Variants in MYO1D observed in about 807,000 individuals in gnomAD.
MYO1D encodes myosin ID, also known as unconventional myosin-Id.
In MYO1D, 83 loss-of-function variants were observed where a neutral mutation model predicts 122.0. The observed-to-expected ratio is 0.68, with a 90% CI of 0.57 to 0.82. MYO1D has a LOEUF of 0.82. Among genes scored for constraint, MYO1D ranks in the 40% least tolerant of loss-of-function variants. MYO1D has a pLI of 0.00. For missense variants in MYO1D, 1,157 were observed against 1,269.5 expected, an observed-to-expected ratio of 0.91 and a Z score of 1.35; for synonymous variants, 464 against 446.9, an observed-to-expected ratio of 1.04 and a Z score of -0.48.
chr17:32,778,431 G>C, intron 3 of MYO1D, 49 bp downstream of exon 3: 1 of 1,561,108 alleles, frequency 6.4e-7, no homozygotes, highest in East Asian at 2.2e-5. Context: ...CAAGTCCATA[G>C]AGAAAACAGA....
chr17:32,695,694 T>G (rs2150977095), intron 16 of MYO1D, among the ~76,000 whole-genome samples: 2 of 152,304 alleles, frequency 1.3e-5, no homozygotes, highest in South Asian at 4.1e-4. Context: ...AAAATTTGAT[T>G]GGCCAAAATT....
chr17:32,825,127 A>G (rs763327616), intron 1 of MYO1D, among the ~76,000 whole-genome samples: 50 of 152,210 alleles, frequency 3.3e-4, no homozygotes, highest in Non-Finnish European at 5.3e-4. Context: ...CCTTTTGAAA[A>G]TGTGATATTA....
At chr17:32,624,215 AG>A (rs924019635) in intron 20 of MYO1D, among the ~76,000 whole-genome samples, 2 of 142,260 alleles carry the variant, frequency 1.4e-5, no homozygotes, top group African/African-American at 5.5e-5. Context: ...TTTTTCTTTA[AG>A]TTTTTTTTTT....
chr17:32,596,431 C>T (rs1373970008), intron 21 of MYO1D, among the ~76,000 whole-genome samples: 1 of 152,192 alleles, frequency 6.6e-6, no homozygotes, highest in Non-Finnish European at 1.5e-5. Context: ...TCCTTCACCT[C>T]TTGTCATGAG....
intron 12 of MYO1D, among the ~76,000 whole-genome samples, chr17:32,747,073 G>T (rs901303172): frequency 6.6e-6 from 1 of 151,928 alleles, no homozygotes; most frequent in Non-Finnish European, 1.5e-5. Context: ...CTGGGAACAG[G>T]ACCAGAAAAA....
At chr17:32,614,094 T>TA (rs1478783501) in intron 20 of MYO1D, among the ~76,000 whole-genome samples, 5 of 135,224 alleles carry the variant, frequency 3.7e-5, no homozygotes, top group Non-Finnish European at 8.0e-5. Flanking sequence ...TTTTTTTTTT[T>TA]AACTCTGGAG....
chr17:32,825,518 CTTGGG>C (rs2090713976), intron 1 of MYO1D, among the ~76,000 whole-genome samples: 1 of 152,166 alleles, frequency 6.6e-6, no homozygotes, highest in Non-Finnish European at 1.5e-5. Context: ...ATCTCAAAAT[CTTGGG>C]CTCAGGCGAT....
intron 16 of MYO1D, among the ~76,000 whole-genome samples, chr17:32,662,656 GA>G (rs1236743796): frequency 6.6e-6 from 1 of 151,898 alleles, no homozygotes; most frequent in African/African-American, 2.4e-5. Flanking sequence ...CTGGGTGACA[GA>G]GCGAGACTGT....
intron 1 of MYO1D, among the ~76,000 whole-genome samples, chr17:32,795,231 C>A (rs1347718968): frequency 4.6e-5 from 7 of 152,082 alleles, no homozygotes; most frequent in African/African-American, 1.7e-4. Flanking sequence ...AAACCCGATC[C>A]CCTGAACACA....
chr17:32,768,016 C>T (rs9891743), intron 6 of MYO1D, among the ~76,000 whole-genome samples: 5,641 of 152,312 alleles, frequency 0.037, 334 homozygotes, highest in African/African-American at 0.13. Flanking sequence ...AAGTCCTGAG[C>T]TGGCTCAGAC....
intron 1 of MYO1D, among the ~76,000 whole-genome samples, chr17:32,869,450 G>T (rs1222572128): frequency 6.6e-6 from 1 of 152,240 alleles, no homozygotes; most frequent in Non-Finnish European, 1.5e-5. Context: ...ACCCAGCGGA[G>T]CTGGAGCCAC....
intron 14 of MYO1D, among the ~76,000 whole-genome samples, chr17:32,730,935 C>T (rs1417070094): frequency 1.6e-5 from 2 of 123,696 alleles, no homozygotes; most frequent in East Asian, 2.5e-4. Flanking sequence ...CAGAGACAGT[C>T]TTGCTCTGTC....
intron 19 of MYO1D, among the ~76,000 whole-genome samples, chr17:32,641,328 T>C (rs1194887521): frequency 1.3e-5 from 2 of 151,974 alleles, no homozygotes; most frequent in African/African-American, 2.4e-5. Flanking sequence ...CTTAATCCAG[T>C]CTATCATTGT....
intron 16 of MYO1D, among the ~76,000 whole-genome samples, chr17:32,696,683 T>C (rs927520798): frequency 1.3e-5 from 2 of 152,242 alleles, no homozygotes; most frequent in Non-Finnish European, 2.9e-5. Context: ...ATGTGTTTGC[T>C]TGCTAGTTAC....
chr17:32,658,361 A>T (rs183787901), intron 17 of MYO1D, among the ~76,000 whole-genome samples: 2 of 152,320 alleles, frequency 1.3e-5, no homozygotes, highest in East Asian at 1.9e-4. Flanking sequence ...ATTTGAGAAG[A>T]AGTAGCTTAG....
intron 10 of MYO1D, among the ~76,000 whole-genome samples, chr17:32,757,041 A>G (rs1337188228): frequency 6.6e-6 from 1 of 152,134 alleles, no homozygotes; most frequent in East Asian, 1.9e-4. Flanking sequence ...GAGTTACCTA[A>G]ACTGATTGCT....
intron 1 of MYO1D, among the ~76,000 whole-genome samples, chr17:32,844,815 G>T (rs1262114968): frequency 6.6e-6 from 1 of 152,014 alleles, no homozygotes; most frequent in African/African-American, 2.4e-5. Flanking sequence ...ATGTCAAATG[G>T]GGTATGACTT....
intron 21 of MYO1D, among the ~76,000 whole-genome samples, chr17:32,561,354 CT>C (rs71144841): frequency 2.7e-5 from 4 of 150,562 alleles, no homozygotes; most frequent in African/African-American, 4.9e-5. Context: ...CAACTCTCTC[CT>C]TTTTTTTTAA....
intron 16 of MYO1D, among the ~76,000 whole-genome samples, chr17:32,694,703 G>A (rs1452291789): frequency 7.3e-5 from 4 of 54,966 alleles, no homozygotes; most frequent in South Asian, 1.0e-3. Flanking sequence ...GCGAGACTCC[G>A]TCTCAAAAAA....
Sources: gnomAD v4.1 joint callset for allele counts (sites outside exome capture counted in the v4.1 genomes callset) on GRCh38, gnomAD v4.1.1 for gene constraint, MANE v1.5 for transcripts, NCBI Gene and HGNC (gene_info 2026-07-23, HGNC 2026-07-21) for gene names.